ITGB8: variants seen among roughly 807,000 people sequenced by gnomAD.
The protein encoded by ITGB8 is integrin subunit beta 8.
Under a neutral mutation model 89.5 loss-of-function variants are expected in ITGB8, and 30 were observed. The ratio of observed to expected loss-of-function variants is 0.34; its 90% CI spans 0.25 to 0.45. The LOEUF (loss-of-function observed/expected upper bound fraction) is 0.45. ITGB8 is among the 20% of genes least tolerant of loss of function. The probability of loss-of-function intolerance (pLI) is 1.00; values close to 1 mark genes in which losing one functional copy is unlikely to be tolerated. For missense variants in ITGB8, 836 were observed against 933.3 expected (o/e 0.90, Z 1.36); for synonymous variants, 335 against 320.4 (o/e 1.05, Z -0.49).
intron 11 of ITGB8, among the ~76,000 whole-genome samples, chr7:20,405,299 CTA>C (rs1787487855): frequency 6.6e-6 from 1 of 150,518 alleles, no homozygotes; most frequent in Non-Finnish European, 1.5e-5. Flanking sequence ...GCTGTTACTG[CTA>C]TGTTTTATAT....
chr7:20,381,703 T>C (rs1313754408), intron 5 of ITGB8, 24 bp from the exon 6 acceptor site: 1 of 1,578,772 alleles, frequency 6.3e-7, no homozygotes, highest in Non-Finnish European at 8.6e-7. Context: ...TTGTACAAAG[T>C]CTAATTACAT....
At chr7:20,409,520 C>A in intron 12 of ITGB8, 95 bp from the exon 13 acceptor site, 1 of 735,248 alleles carries the variant, frequency 1.4e-6, no homozygotes, top group Non-Finnish European at 2.1e-6. Context: ...ATATCTTTGG[C>A]ACTATTAATT....
intron 6 of ITGB8, among the ~76,000 whole-genome samples, chr7:20,389,134 A>G (rs1008963335): frequency 2.0e-5 from 3 of 152,240 alleles, no homozygotes; most frequent in Non-Finnish European, 4.4e-5. Flanking sequence ...TCCTTTGGGT[A>G]TATACCCAGT....
intron 1 of ITGB8, 138 bp from the exon 2 acceptor site, chr7:20,363,499 G>GT (rs1238690900): frequency 2.2e-6 from 1 of 464,446 alleles, no homozygotes; most frequent in East Asian, 3.3e-5. Context: ...TATCTTTGTT[G>GT]TCAGATTTTT....
chr7:20,372,947 C>A (rs1031217750), intron 3 of ITGB8, among the ~76,000 whole-genome samples: 2 of 152,102 alleles, frequency 1.3e-5, no homozygotes, highest in African/African-American at 4.8e-5. Context: ...ATGTTGGCAA[C>A]CCCAGATATA....
At chr7:20,391,850 T>G (rs554443292) in intron 7 of ITGB8, among the ~76,000 whole-genome samples, 1 of 152,316 alleles carries the variant, frequency 6.6e-6, no homozygotes, top group South Asian at 2.1e-4. Flanking sequence ...CTAGAGTGCT[T>G]CTTCTTATTC....
At chr7:20,332,684 ATAATACCTGCCTTCTC>A (rs1417233104) in intron 1 of ITGB8, among the ~76,000 whole-genome samples, 1 of 152,244 alleles carries the variant, frequency 6.6e-6, no homozygotes, top group African/African-American at 2.4e-5. Flanking sequence ...AGGTTTATTA[ATAATACCTGCCTTCTC>A]TAAATCACAA....
chr7:20,357,075 A>G (rs1785320078), intron 1 of ITGB8, among the ~76,000 whole-genome samples: 1 of 152,170 alleles, frequency 6.6e-6, no homozygotes, highest in Admixed American at 6.5e-5. Flanking sequence ...ACAGATAGCT[A>G]TAGGGGTCAT....
intron 1 of ITGB8, among the ~76,000 whole-genome samples, chr7:20,349,555 CA>C (rs1471607477): frequency 6.6e-6 from 1 of 151,788 alleles, no homozygotes; most frequent in East Asian, 1.9e-4. Flanking sequence ...TATTATCTCA[CA>C]AACAAGTTCA....
At chr7:20,361,418 G>A (rs1006651123) in intron 1 of ITGB8, among the ~76,000 whole-genome samples, 1 of 152,202 alleles carries the variant, frequency 6.6e-6, no homozygotes, top group African/African-American at 2.4e-5. Context: ...AGCTCTGGAG[G>A]CTGGGGAGTC....
intron 10 of ITGB8, 141 bp downstream of exon 10, chr7:20,402,267 T>A: frequency 1.5e-6 from 1 of 684,184 alleles, no homozygotes; most frequent in Non-Finnish European, 2.3e-6. Context: ...TCCATGAAAT[T>A]AGGGCATGGC....
intron 6 of ITGB8, among the ~76,000 whole-genome samples, chr7:20,389,210 C>T (rs1372630916): frequency 2.0e-5 from 3 of 152,186 alleles, no homozygotes; most frequent in Non-Finnish European, 4.4e-5. Flanking sequence ...ACACTGTCTT[C>T]CACAATGGTT....
rs532693684 is a variant in ITGB8, at chr7:20,376,802, G to A, written c.389-2249G>A. Among the ~76,000 whole-genome samples the A allele has an allele frequency of 1.3e-4, 20 of 152,232 alleles. No homozygotes were observed. In the South Asian group the frequency reaches 2.5e-3, roughly 19 times the overall value. ...AATATCAATTATTATTCTTGCTAGCGATTACTAAAAGGCCTGTGTATGGAA... is the reference window on the plus strand; with the variant it reads ...AATATCAATTATTATTCTTGCTAGCAATTACTAAAAGGCCTGTGTATGGAA... On this transcript the variant is annotated intron_variant, in intron 3 of 13. Transcript: ENST00000222573.
intron 1 of ITGB8, chr7:20,332,160 T>G: frequency 2.1e-6 from 2 of 945,772 alleles, no homozygotes; most frequent in Non-Finnish European, 1.5e-6. Context: ...GGAGACACTC[T>G]GTGTTACTCC....
intron 1 of ITGB8, among the ~76,000 whole-genome samples, chr7:20,336,301 G>C (rs575861129): frequency 6.6e-6 from 1 of 152,090 alleles, no homozygotes; most frequent in African/African-American, 2.4e-5. Context: ...CACCACACCC[G>C]GCCCAGTCTT....
chr7:20,348,504 A>G (rs980825063), intron 1 of ITGB8, among the ~76,000 whole-genome samples: 2 of 152,120 alleles, frequency 1.3e-5, no homozygotes, highest in African/African-American at 2.4e-5. Flanking sequence ...GGTTTTTCAT[A>G]TCTAAGAACT....
chr7:20,408,361 T>G (rs1329218006), intron 12 of ITGB8, among the ~76,000 whole-genome samples: 1 of 147,322 alleles, frequency 6.8e-6, no homozygotes, highest in South Asian at 2.2e-4. Context: ...GACCTTTCTT[T>G]CAAAGTACCT....
intron 6 of ITGB8, among the ~76,000 whole-genome samples, chr7:20,384,911 CATCAAG>C (rs1052543701): frequency 1.4e-5 from 2 of 147,116 alleles, no homozygotes; most frequent in Non-Finnish European, 3.0e-5. Context: ...ACTGCTTTTT[CATCAAG>C]ATCAAGTGCC....
chr7:20,395,053 G>A, intron 8 of ITGB8, 68 bp downstream of exon 8: 1 of 856,690 alleles, frequency 1.2e-6, no homozygotes, highest in Non-Finnish European at 1.9e-6. Flanking sequence ...AAGGTACAAA[G>A]TAGTGCCATG....
Sources: gnomAD v4.1 joint callset for allele counts (sites outside exome capture counted in the v4.1 genomes callset) on GRCh38, gnomAD v4.1.1 for gene constraint, MANE v1.5 for transcripts, NCBI Gene and HGNC (gene_info 2026-07-23, HGNC 2026-07-21) for gene names.